PDLIM5: variants seen among roughly 807,000 people sequenced by gnomAD.
PDLIM5 encodes the protein PDZ and LIM domain 5.
A neutral mutation model predicts 64.2 loss-of-function variants in PDLIM5; 34 were observed. The ratio of observed to expected loss-of-function variants is 0.53; its 90% CI spans 0.40 to 0.71. The LOEUF is 0.71. Among genes scored for constraint, PDLIM5 ranks in the 30% least tolerant of loss-of-function variants. The probability of loss-of-function intolerance (pLI) is 0.00; values close to 1 mark genes in which losing one functional copy is unlikely to be tolerated. For missense variants in PDLIM5, 683 were observed against 733.6 expected, an observed-to-expected ratio of 0.93 and a Z score of 0.80; for synonymous variants, 253 against 269.1, an observed-to-expected ratio of 0.94 and a Z score of 0.59.
chr4:94,611,151 C>T (rs1375919364), intron 7 of PDLIM5: 1 of 1,534,636 alleles, frequency 6.5e-7, no homozygotes, highest in Non-Finnish European at 8.7e-7. Flanking sequence ...TTTTTCCTAT[C>T]TGCAGTCCTC....
chr4:94,536,894 A>G (rs1560686344), intron 3 of PDLIM5, among the ~76,000 whole-genome samples: 1 of 152,186 alleles, frequency 6.6e-6, no homozygotes, highest in East Asian at 1.9e-4. Context: ...GCTTTATGTG[A>G]GTTGAAAAGT....
At chr4:94,542,836 T>C (rs575011307) in intron 3 of PDLIM5, among the ~76,000 whole-genome samples, 39 of 152,276 alleles carry the variant, frequency 2.6e-4, no homozygotes, top group African/African-American at 8.7e-4. Context: ...ATGAGAAAAA[T>C]TATTAAAACA....
intron 1 of PDLIM5, among the ~76,000 whole-genome samples, chr4:94,452,976 A>G (rs1356709220): frequency 1.3e-5 from 2 of 151,992 alleles, no homozygotes; most frequent in Non-Finnish European, 2.9e-5. Flanking sequence ...GAATCTCAAG[A>G]TATTTCTCTT....
intron 2 of PDLIM5, among the ~76,000 whole-genome samples, chr4:94,488,877 C>T (rs545234099): frequency 2.6e-5 from 4 of 152,270 alleles, no homozygotes; most frequent in South Asian, 2.1e-4. Flanking sequence ...AAGCAAATGC[C>T]GTAAAGGATC....
At chr4:94,494,429 C>CTTTTTTTTTT (rs1261064734) in intron 2 of PDLIM5, among the ~76,000 whole-genome samples, 1 of 51,598 alleles carries the variant, frequency 1.9e-5, no homozygotes, top group African/African-American at 4.8e-5. Context: ...TTTTTTTTTT[C>CTTTTTTTTTT]TTGTTTTTTT....
intron 2 of PDLIM5, among the ~76,000 whole-genome samples, chr4:94,512,975 AT>A (rs1398739002): frequency 1.3e-5 from 2 of 152,162 alleles, no homozygotes; most frequent in East Asian, 3.8e-4. Flanking sequence ...TCCCAGCACC[AT>A]TTATTAAAGA....
In PDLIM5 at chr4:94,524,104, G is replaced by A. The variant is rs191696767; in HGVS notation, c.248+229G>A. The stretch of plus-strand genomic sequence containing the variant: ...GTATTCCCATACTAATAAAAATTGT[G>A]TGGGCCTGTAATCCCAGCACTTTGG... On this transcript the variant is annotated intron_variant, in intron 3 of 12. Coordinates refer to ENST00000317968, the MANE Select transcript of PDLIM5 (RefSeq NM_006457.5). Among the ~76,000 whole-genome samples, 319 of 152,096 alleles carry A rather than the reference G, an allele frequency of 2.1e-3. 2 individuals are homozygous for A. The highest frequency in any genetic ancestry group is 6.9e-3 in the African/African-American group (287 of 41,538).
At chr4:94,650,809 T>TC (rs1171082999) in intron 9 of PDLIM5, among the ~76,000 whole-genome samples, 1 of 151,696 alleles carries the variant, frequency 6.6e-6, no homozygotes, top group African/African-American at 2.4e-5. Context: ...TTTCCTTTCT[T>TC]CCCCCCACAT....
At chr4:94,641,939 TC>T (rs1425436075) in intron 9 of PDLIM5, among the ~76,000 whole-genome samples, 2 of 152,248 alleles carry the variant, frequency 1.3e-5, no homozygotes, top group Non-Finnish European at 2.9e-5. Context: ...TTAGTCATTT[TC>T]CTGAAAGTGC....
At chr4:94,613,100 C>T (rs1045959078) in intron 7 of PDLIM5, among the ~76,000 whole-genome samples, 4 of 151,822 alleles carry the variant, frequency 2.6e-5, no homozygotes, top group South Asian at 4.2e-4. Context: ...CTTTTAAAGG[C>T]GTTCTGACAG....
At chr4:94,561,494 G>A (rs11938293) in intron 3 of PDLIM5, among the ~76,000 whole-genome samples, 1,736 of 152,286 alleles carry the variant, frequency 0.011, 28 homozygotes, top group African/African-American at 0.035. Context: ...AGTTATATGC[G>A]TGCTTTTTCG....
intron 1 of PDLIM5, among the ~76,000 whole-genome samples, chr4:94,452,206 C>A (rs1722915578): frequency 6.6e-6 from 1 of 152,194 alleles, no homozygotes; most frequent in South Asian, 2.1e-4. Context: ...CGGAAAAGGG[C>A]AGCGCTGGAG....
At chr4:94,648,064 G>A (rs183579199) in intron 9 of PDLIM5, among the ~76,000 whole-genome samples, 1 of 152,220 alleles carries the variant, frequency 6.6e-6, no homozygotes. Context: ...TCAGAAGGAA[G>A]AATCATCTCA....
At chr4:94,650,499 A>G (rs1365273513) in intron 9 of PDLIM5, among the ~76,000 whole-genome samples, 3 of 152,174 alleles carry the variant, frequency 2.0e-5, no homozygotes, top group African/African-American at 7.2e-5. Context: ...AGTCGAATAA[A>G]ATCTGTTGTG....
chr4:94,659,900 C>CTT (rs11424534), intron 11 of PDLIM5, among the ~76,000 whole-genome samples: 196 of 140,978 alleles, frequency 1.4e-3, no homozygotes, highest in South Asian at 3.4e-3. Flanking sequence ...AAAAATTACA[C>CTT]TTTTTTTTTT....
chr4:94,602,291 G>A (rs1176914483), intron 7 of PDLIM5, among the ~76,000 whole-genome samples: 2 of 152,224 alleles, frequency 1.3e-5, no homozygotes, highest in East Asian at 3.9e-4. Context: ...CCATTTTTAT[G>A]TTGTAAAAGA....
chr4:94,573,403 TA>T lies in PDLIM5; in HGVS notation c.291+12del. The T allele has an allele frequency of 6.2e-7, 1 of 1,603,964 alleles. No homozygotes were observed. The highest frequency in any genetic ancestry group is 8.5e-7 in the Non-Finnish European group (1 of 1,170,914). ...GGTTCCTGTTCAAAAGGTGTGTTTT[TA>T]AGCTAGCACCCAGAGTATCACTTGA... On this transcript the variant is annotated intron_variant, in intron 4 of 12. Transcript: ENST00000317968.
intron 2 of PDLIM5, among the ~76,000 whole-genome samples, chr4:94,465,816 G>A (rs977113557): frequency 6.6e-6 from 1 of 152,176 alleles, no homozygotes; most frequent in African/African-American, 2.4e-5. Flanking sequence ...TTTGAAACCA[G>A]CCAAACTGAG....
chr4:94,455,617 A>G (rs1026256066), intron 2 of PDLIM5: 5 of 664,816 alleles, frequency 7.5e-6, no homozygotes, highest in East Asian at 5.4e-5. Flanking sequence ...AATAAAATGG[A>G]AAAAGCATTT....
Sources: allele counts gnomAD v4.1 joint callset (sites outside exome capture counted in the v4.1 genomes callset), GRCh38; gene constraint gnomAD v4.1.1; transcripts MANE v1.5; gene names NCBI Gene and HGNC (gene_info 2026-07-23, HGNC 2026-07-21).